The following SIPA1L1 variants were observed in gnomAD, a reference collection of about 807,000 sequenced individuals.
The protein encoded by SIPA1L1 is signal induced proliferation associated 1 like 1, also known as signal-induced proliferation-associated 1-like protein 1.
A neutral mutation model predicts 162.7 loss-of-function variants in SIPA1L1; 26 were observed. The observed-to-expected ratio is 0.16, with a 90% CI of 0.12 to 0.22. The LOEUF (loss-of-function observed/expected upper bound fraction) is 0.22, where lower values mean the gene tolerates loss of function less well. Among genes scored for constraint, SIPA1L1 ranks in the 10% least tolerant of loss-of-function variants. The pLI is 1.00. For synonymous variants in SIPA1L1, 829 were observed against 837.4 expected (o/e 0.99, Z 0.17); for missense variants, 1,874 against 2,241.0 (o/e 0.84, Z 3.31).
At chr14:71,600,712 A>G (rs1199956448) in intron 5 of SIPA1L1, among the ~76,000 whole-genome samples, 3 of 152,168 alleles carry the variant, frequency 2.0e-5, no homozygotes, top group Non-Finnish European at 1.5e-5. Flanking sequence ...CTTCCAATCA[A>G]TGGGCATGGG....
At chr14:71,568,605 G>C (rs985971713) in intron 4 of SIPA1L1, among the ~76,000 whole-genome samples, 16 of 152,292 alleles carry the variant, frequency 1.1e-4, no homozygotes, top group Admixed American at 9.8e-4. Context: ...GTGCAAGAAA[G>C]AATTCGAGGT....
intron 5 of SIPA1L1, among the ~76,000 whole-genome samples, chr14:71,592,855 T>C (rs2035573942): frequency 6.6e-6 from 1 of 152,252 alleles, no homozygotes; most frequent in Non-Finnish European, 1.5e-5. Flanking sequence ...CCATTGTTTG[T>C]ATTTAGTAAA....
At chr14:71,513,365 T>G (rs1190445869) in intron 3 of SIPA1L1, among the ~76,000 whole-genome samples, 1 of 152,180 alleles carries the variant, frequency 6.6e-6, no homozygotes, top group African/African-American at 2.4e-5. Context: ...AACATAGTGT[T>G]TCTTTTTACC....
chr14:71,609,068 T>A (rs2037875142), intron 5 of SIPA1L1, among the ~76,000 whole-genome samples: 1 of 152,008 alleles, frequency 6.6e-6, no homozygotes, highest in African/African-American at 2.4e-5. Context: ...AAATAAGGAG[T>A]CTTAAATACA....
chr14:71,341,168 T>C (rs1174864631), intron 2 of SIPA1L1, among the ~76,000 whole-genome samples: 1 of 152,240 alleles, frequency 6.6e-6, no homozygotes, highest in African/African-American at 2.4e-5. Context: ...ATGCTTTTAA[T>C]ATGAATAGCT....
At chr14:71,538,335 A>G (rs1486593941) in intron 4 of SIPA1L1, among the ~76,000 whole-genome samples, 1 of 152,012 alleles carries the variant, frequency 6.6e-6, no homozygotes, top group Non-Finnish European at 1.5e-5. Flanking sequence ...CTGAAATTTT[A>G]CCAAATTCTT....
At chr14:71,718,326 C>CT (rs984015283) in intron 17 of SIPA1L1, among the ~76,000 whole-genome samples, 2 of 152,174 alleles carry the variant, frequency 1.3e-5, no homozygotes, top group African/African-American at 4.8e-5. Flanking sequence ...CTCTCATAAC[C>CT]TTTGTGCCTA....
At position 71,736,644 on chromosome 14, in the gene SIPA1L1, G is replaced by A. The variant is rs552708922; in HGVS notation, c.5123+1253G>A. Among the ~76,000 whole-genome samples the A allele has an allele frequency of 1.1e-4, 16 of 152,258 alleles. No individual in the cohort carries two copies. In the East Asian group the frequency reaches 2.7e-3, roughly 26 times the overall value. ...TTACCTCTGGCACTGCTGGGGTGAG[G>A]AGAGCAGCAATCAGGCTGACTGCTG... On this transcript the variant is annotated intron_variant, in intron 22 of 23. Transcript: ENST00000381232.
chr14:71,343,129 G>A (rs555477815), intron 2 of SIPA1L1, among the ~76,000 whole-genome samples: 2 of 152,252 alleles, frequency 1.3e-5, no homozygotes, highest in Admixed American at 6.5e-5. Flanking sequence ...TTGACTTCAC[G>A]TTACAGACTT....
chr14:71,614,523 C>T (rs1046891106), intron 5 of SIPA1L1, among the ~76,000 whole-genome samples: 1 of 152,074 alleles, frequency 6.6e-6, no homozygotes, highest in African/African-American at 2.4e-5. Flanking sequence ...GAGTCTCCAT[C>T]CATACCAATG....
At chr14:71,577,316 T>C (rs900307351) in intron 4 of SIPA1L1, among the ~76,000 whole-genome samples, 1 of 152,006 alleles carries the variant, frequency 6.6e-6, no homozygotes, top group Admixed American at 6.6e-5. Flanking sequence ...GTAGTTTTTC[T>C]ACCATAAATT....
At chr14:71,499,244 A>G (rs1341307491) in intron 2 of SIPA1L1, among the ~76,000 whole-genome samples, 1 of 152,196 alleles carries the variant, frequency 6.6e-6, no homozygotes, top group Non-Finnish European at 1.5e-5. Flanking sequence ...TGGTAGGGTG[A>G]GGTGGGAGGA....
intron 4 of SIPA1L1, among the ~76,000 whole-genome samples, chr14:71,530,854 A>G (rs1452287162): frequency 2.0e-5 from 3 of 152,206 alleles, no homozygotes; most frequent in African/African-American, 4.8e-5. Flanking sequence ...TGTAGATGCT[A>G]TGTGCATTTA....
At chr14:71,576,563 G>A (rs1278556255) in intron 4 of SIPA1L1, 1 of 152,214 alleles carries the variant, frequency 6.6e-6, no homozygotes, top group Non-Finnish European at 1.5e-5. Flanking sequence ...GCTACTACTG[G>A]TGGAAAATGA....
At chr14:71,334,245 A>G (rs932359452) in intron 2 of SIPA1L1, among the ~76,000 whole-genome samples, 5 of 136,776 alleles carry the variant, frequency 3.7e-5, no homozygotes, top group African/African-American at 1.4e-4. Flanking sequence ...CTTGAGATCA[A>G]ATGAGAAAAA....
chr14:71,437,960 A>G (rs184164156), intron 2 of SIPA1L1, among the ~76,000 whole-genome samples: 2 of 152,278 alleles, frequency 1.3e-5, no homozygotes, highest in Admixed American at 1.3e-4. Context: ...CTCAGCATCT[A>G]TCCTAAAGAA....
At chr14:71,731,402 AC>A (rs1446226229) in intron 20 of SIPA1L1, among the ~76,000 whole-genome samples, 1 of 151,902 alleles carries the variant, frequency 6.6e-6, no homozygotes, top group African/African-American at 2.4e-5. Flanking sequence ...CCAGGAAGTC[AC>A]CTCCGATGAA....
At chr14:71,459,441 C>T (rs1267017784) in intron 2 of SIPA1L1, among the ~76,000 whole-genome samples, 1 of 151,454 alleles carries the variant, frequency 6.6e-6, no homozygotes, top group Non-Finnish European at 1.5e-5. Flanking sequence ...TTTAGGATAT[C>T]TATCTATCTA....
At position 71,350,226 on chromosome 14, in the gene SIPA1L1, AACACACAC is replaced by A. The variant is rs10664371; in HGVS notation, c.-465+29069_-465+29076del. 2.1e-3 allele frequency among the ~76,000 whole-genome samples: 304 copies of A among 146,890 alleles called. 2 individuals are homozygous for A. The highest frequency in any genetic ancestry group is 7.7e-4 in the Non-Finnish European group (51 of 66,536). ...ATGTGGTGAAACCCCGTCTCTACTAAACACACACACACACACACACACACACACACAAT... is the reference window on the plus strand; with the variant it reads ...ATGTGGTGAAACCCCGTCTCTACTAAACACACACACACACACACACACAAT... On this transcript the variant is annotated intron_variant, in intron 2 of 23. Coordinates refer to ENST00000381232, the MANE Select transcript of SIPA1L1 (RefSeq NM_001386936.1).
Sources: allele counts gnomAD v4.1 joint callset (sites outside exome capture counted in the v4.1 genomes callset), GRCh38; gene constraint gnomAD v4.1.1; transcripts MANE v1.5; gene names NCBI Gene and HGNC (gene_info 2026-07-23, HGNC 2026-07-21).